NLRP2: variants seen among roughly 807,000 people sequenced by gnomAD.
NLRP2 encodes NLR family pyrin domain containing 2.
NLRP2 carries 107 observed loss-of-function variants against 97.2 expected under a neutral mutation model. The observed-to-expected ratio is 1.10, with a 90% confidence interval of 0.94 to 1.29. The LOEUF (loss-of-function observed/expected upper bound fraction) is 1.29, where lower values mean the gene tolerates loss of function less well. Among genes scored for constraint, NLRP2 ranks in the 50% most tolerant of loss-of-function variants. The pLI is 0.00. For missense variants in NLRP2, 1,495 were observed against 1,330.3 expected (o/e 1.12, Z -1.93); for synonymous variants, 663 against 551.5 (o/e 1.20, Z -2.83).
At chr19:54,998,842 A>AAG (rs1389114720) in intron 12 of NLRP2, among the ~76,000 whole-genome samples, 11 of 150,240 alleles carry the variant, frequency 7.3e-5, no homozygotes, top group African/African-American at 2.7e-4. Flanking sequence ...ACTCTTAACG[A>AAG]GCGTGCTGCC....
intron 9 of NLRP2, 27 bp from the exon 10 acceptor site, chr19:54,990,475 G>T: frequency 1.2e-6 from 2 of 1,612,884 alleles, no homozygotes; most frequent in African/African-American, 1.3e-5. Context: ...CCTGTCAACC[G>T]TGTTGCCATT....
chr19:54,992,219 A>C (rs998297282), intron 10 of NLRP2, among the ~76,000 whole-genome samples: 1 of 151,946 alleles, frequency 6.6e-6, no homozygotes, highest in African/African-American at 2.4e-5. Flanking sequence ...AGCCATACAT[A>C]TCTCTGGTAT....
At position 54,983,323 on chromosome 19, in the gene NLRP2, T is replaced by A. The variant is rs755178555; in HGVS notation, c.1625T>A (p.Val542Glu). Residue 542 changes from valine (V) to glutamate (E), a missense_variant, in exon 6 of 13, where the codon GTA (valine) becomes GAA (glutamate). By Grantham distance (121) the Val-to-Glu change is moderately radical. Coordinates refer to ENST00000448584, the MANE Select transcript of NLRP2 (RefSeq NM_017852.5). ...GACGTACAGAAGCTGCTTTCCGGAG[T>A]AGAAAGACTCAGGAACCCCGACCTG... ...IGDVQKLLSG[V>E]ERLRNPDLIQ... The A allele has an allele frequency of 1.2e-5, 19 of 1,613,928 alleles. No homozygotes were observed. Among genetic ancestry groups the A allele is most frequent in the Middle Eastern group, 1.6e-4 (1 of 6,062 alleles).
In NLRP2 at chr19:54,994,306, G is replaced by C. The variant is rs374020777; in HGVS notation, c.2746G>C (p.Asp916His). The change falls in exon 11 of 13, where the codon GAT becomes CAT. Residue 916 changes from aspartate to histidine, a missense_variant. By Grantham distance (81) the Asp-to-His change is moderately conservative. Transcript: ENST00000448584. The part of the protein sequence containing the change: ...NCDITSDGCC[D>H]LTKLLQEKSS... ...CGACATAACTAGCGATGGCTGCTGC[G>C]ATCTCACAAAGCTTCTCCAAGAAAA... 1.2e-6 allele frequency: 2 copies of C among 1,614,088 alleles called. No homozygotes were observed. The highest frequency in any genetic ancestry group is 1.7e-5 in the Admixed American group (1 of 59,992).
At chr19:54,998,610 TCTTTTTTTTTTTTTTTTTTC>T (rs1351797709) in intron 12 of NLRP2, among the ~76,000 whole-genome samples, 48 of 65,900 alleles carry the variant, frequency 7.3e-4, no homozygotes, top group South Asian at 2.2e-3. Context: ...GCATCTTTTT[TCTTTTTTTTTTTTTTTTTTC>T]CTTTTTTTTT....
At chr19:54,986,417 T>A in intron 8 of NLRP2, 102 bp downstream of exon 8, 1 of 1,045,218 alleles carries the variant, frequency 9.6e-7, no homozygotes, top group Non-Finnish European at 1.5e-6. Flanking sequence ...TTATTCTGAC[T>A]AGAAACAGTA....
At chr19:54,999,225 G>A (rs1198386361) in intron 12 of NLRP2, among the ~76,000 whole-genome samples, 1 of 152,102 alleles carries the variant, frequency 6.6e-6, no homozygotes, top group African/African-American at 2.4e-5. Flanking sequence ...TCGGCTTACT[G>A]CAACCTCCGC....
intron 11 of NLRP2, among the ~76,000 whole-genome samples, chr19:54,994,672 G>A (rs899651530): frequency 5.9e-5 from 9 of 151,488 alleles, no homozygotes; most frequent in Non-Finnish European, 1.3e-4. Flanking sequence ...GTGCAGTGGC[G>A]TGATCTTGGC....
At position 54,970,253 on chromosome 19, in the gene NLRP2, C is replaced by G. The variant is rs753983866; in HGVS notation, c.238C>G (p.His80Asp). ...MASLQVFEKM[H>D]RMDLSERAKD... ...GAGCCTCCAGGTCTTTGAAAAGATGCACCGAATGGATCTGTCTGAGAGAGC... is the reference window on the plus strand; with the variant it reads ...GAGCCTCCAGGTCTTTGAAAAGATGGACCGAATGGATCTGTCTGAGAGAGC... Residue 80 changes from histidine (H) to aspartate (D), a missense_variant, in exon 2 of 13, where the codon CAC (histidine) becomes GAC (aspartate). Physicochemically the swap from His to Asp is moderately conservative, Grantham distance 81. Transcript: ENST00000448584. 1 of 1,614,084 alleles carries G rather than the reference C, an allele frequency of 6.2e-7. No homozygotes were observed. Among genetic ancestry groups the G allele is most frequent in the Non-Finnish European group, 8.5e-7 (1 of 1,180,046 alleles).
chr19:54,983,195 C>A lies in NLRP2; in HGVS notation c.1497C>A (p.Tyr499Ter). Residue 499 changes from tyrosine to a stop codon, truncating the protein, a stop_gained, in exon 6 of 13, where the codon TAC (tyrosine) becomes TAA (stop). Coordinates refer to ENST00000448584, the MANE Select transcript of NLRP2 (RefSeq NM_017852.5). LOFTEE classifies it high-confidence loss of function. The part of the protein sequence containing the change: ...LRQDRVSKGC[Y>*]SFIHLSFQQF... ...AGGACAGAGTCTCCAAAGGCTGCTA[C>A]TCCTTCATCCACCTCAGCTTCCAGC... 3 of 1,614,122 alleles carry A rather than the reference C, an allele frequency of 1.9e-6. No homozygotes were observed. Among genetic ancestry groups the A allele is most frequent in the Non-Finnish European group, 2.5e-6 (3 of 1,180,016 alleles).
intron 4 of NLRP2, among the ~76,000 whole-genome samples, chr19:54,978,902 CAACTTT>C (rs1265285280): frequency 3.3e-5 from 5 of 151,058 alleles, no homozygotes; most frequent in Non-Finnish European, 7.4e-5. Context: ...ATTGCTCAGA[CAACTTT>C]AATATAAACA....
chr19:54,981,779 T>G (rs1429859813), intron 5 of NLRP2, 97 bp downstream of exon 5: 16 of 827,512 alleles, frequency 1.9e-5, no homozygotes, highest in African/African-American at 5.0e-5. Context: ...AAGCATTTAT[T>G]TATGTATGTA....
intron 3 of NLRP2, chr19:54,976,974 GC>G (rs78423772): frequency 0.083 from 28,895 of 349,638 alleles, 2,034 homozygotes; most frequent in East Asian, 0.24. Context: ...ACACCACCAT[GC>G]CCGGCTAATT....
intron 8 of NLRP2, among the ~76,000 whole-genome samples, chr19:54,987,936 A>G (rs998432061): frequency 1.3e-5 from 2 of 151,814 alleles, no homozygotes; most frequent in Admixed American, 6.6e-5. Context: ...CCAGCTACTC[A>G]TGGAGGCTGA....
At chr19:54,994,000 T>C in intron 10 of NLRP2, 1 of 554,316 alleles carries the variant, frequency 1.8e-6, no homozygotes, top group South Asian at 2.0e-5. Flanking sequence ...CTGTGATTGC[T>C]GGACCTACCC....
At chr19:54,997,763 T>C (rs932003002) in intron 12 of NLRP2, among the ~76,000 whole-genome samples, 1 of 151,442 alleles carries the variant, frequency 6.6e-6, no homozygotes, top group African/African-American at 2.4e-5. Context: ...CCACCTTTTT[T>C]TTTTTTTTCC....
At chr19:54,978,173 T>A (rs1404788481) in intron 4 of NLRP2, among the ~76,000 whole-genome samples, 1 of 151,912 alleles carries the variant, frequency 6.6e-6, no homozygotes, top group Non-Finnish European at 1.5e-5. Flanking sequence ...ATTCTCCTGA[T>A]TCTCCTGACT....
chr19:54,984,485 C>CTTTTTTTTTTT (rs36061621), intron 6 of NLRP2, among the ~76,000 whole-genome samples: 5,860 of 76,074 alleles, frequency 0.077, 954 homozygotes, highest in Non-Finnish European at 0.1. Flanking sequence ...TATTCCCAAT[C>CTTTTTTTTTTT]TTTTTTTTTT....
Position 54,969,457 on chromosome 19 carries a change from G to GACAAAGT in NLRP2, c.-17-541_-17-535dup, listed in dbSNP as rs1035955717. On this transcript the variant is annotated intron_variant, in intron 1 of 12. Transcript: ENST00000448584. ...TGCAGCACTGCACTCCAGCCAGGGT[G>GACAAAGT]ACAAAGTGAGACTCCGTCTCAAAAA... Among the ~76,000 whole-genome samples the GACAAAGT allele has an allele frequency of 1.6e-4, 22 of 137,838 alleles. 1 individual carries two copies. Among genetic ancestry groups the GACAAAGT allele is most frequent in the African/African-American group, 5.4e-4 (19 of 35,482 alleles). The allele number at this position is 137,838 out of a possible 152,430, so 90.4% of individuals were successfully genotyped here. A position where few individuals can be genotyped will look rare whatever the true frequency, so the allele number is the denominator to read the frequency against.
Sources: gnomAD v4.1 joint callset for allele counts (sites outside exome capture counted in the v4.1 genomes callset) on GRCh38, gnomAD v4.1.1 for gene constraint, MANE v1.5 for transcripts, NCBI Gene and HGNC (gene_info 2026-07-23, HGNC 2026-07-21) for gene names.